Variants in CEP97 observed in about 807,000 individuals in gnomAD.
CEP97 encodes the protein centrosomal protein 97.
In CEP97, 43 loss-of-function variants were observed where a neutral mutation model predicts 73.1. The ratio of observed to expected loss-of-function variants is 0.59; its 90% CI spans 0.46 to 0.76. The LOEUF (loss-of-function observed/expected upper bound fraction) is 0.76, where lower values mean the gene tolerates loss of function less well. CEP97 is among the 30% of genes least tolerant of loss of function. The probability of loss-of-function intolerance (pLI) is 0.00; values close to 1 mark genes in which losing one functional copy is unlikely to be tolerated. For missense variants in CEP97, 939 were observed against 1,014.0 expected (o/e 0.93, Z 1.00); for synonymous variants, 337 against 370.0 (o/e 0.91, Z 1.02).
rs1307620588 is a variant in CEP97 at position 101,766,753 on chromosome 3, G to A, written c.*1202G>A. ...AATATCGTTTAACAACATGTATTTG[G>A]TTTCCCTCAACTTACAGACATACAG... On this transcript the variant is annotated 3_prime_UTR_variant, in exon 11 of 11. Coordinates refer to ENST00000341893, the MANE Select transcript of CEP97 (RefSeq NM_024548.4). 6.6e-6 allele frequency: 1 copy of A among 152,078 alleles called. No homozygotes were observed. Among genetic ancestry groups the A allele is most frequent in the Non-Finnish European group, 1.5e-5 (1 of 68,012 alleles). The allele number at this position is 152,078 out of a possible 1,614,324, so 9.4% of individuals were successfully genotyped here.
At chr3:101,758,478 C>G (rs2107186347) in intron 9 of CEP97, 55 bp downstream of exon 9, 1 of 1,585,388 alleles carries the variant, frequency 6.3e-7, no homozygotes, top group Non-Finnish European at 8.6e-7. Context: ...GTGTTAGATT[C>G]TTATAGTTGA....
chr3:101,728,668 A>T lies in CEP97; in HGVS notation c.346-168A>T. Reference sequence around the variant, plus strand: ...TGAAAGTGTACGTTTACAACCTGACAATCTACTAAATTCTGTTAGTACTGC... The same window carrying T: ...TGAAAGTGTACGTTTACAACCTGACTATCTACTAAATTCTGTTAGTACTGC... On this transcript the variant is annotated intron_variant, in intron 3 of 10. Coordinates refer to ENST00000341893, the MANE Select transcript of CEP97 (RefSeq NM_024548.4). The T allele has an allele frequency of 8.4e-6, 5 of 594,296 alleles. No homozygotes were observed. In the South Asian group the frequency reaches 1.1e-4, roughly 13 times the overall value. 36.8% of individuals were successfully genotyped at this position (594,296 alleles called of 1,614,324 possible). A position where few individuals can be genotyped will look rare whatever the true frequency, so the allele number is the denominator to read the frequency against.
At chr3:101,758,657 A>G (rs1012323170) in intron 9 of CEP97, 1 of 513,334 alleles carries the variant, frequency 1.9e-6, no homozygotes, top group Non-Finnish European at 3.5e-6. Flanking sequence ...GCAGTGTAGT[A>G]ATAAATGTTC....
intron 3 of CEP97, among the ~76,000 whole-genome samples, chr3:101,728,212 A>T (rs1937962315): frequency 6.7e-6 from 1 of 149,872 alleles, no homozygotes. Flanking sequence ...AAACTTGTAA[A>T]CTCTATTCTA....
rs1044256256 is a variant in CEP97 at position 101,754,584 on chromosome 3, G to A, written c.729-846G>A. Among the ~76,000 whole-genome samples, 4 of 152,190 alleles carry A rather than the reference G, an allele frequency of 2.6e-5. No homozygotes were observed. In the South Asian group the frequency reaches 6.2e-4, roughly 24 times the overall value. On this transcript the variant is annotated intron_variant, in intron 6 of 10. Transcript: ENST00000341893. ...GAGCAGTTCTTTCTTGGGGCCTCCT[G>A]GGCTTGCACTCAGATCACAGATGGG...
At chr3:101,752,494 C>T (rs1230193920) in intron 6 of CEP97, among the ~76,000 whole-genome samples, 1 of 152,146 alleles carries the variant, frequency 6.6e-6, no homozygotes, top group Non-Finnish European at 1.5e-5. Flanking sequence ...GAGTGTTTTC[C>T]AACTTGGTTC....
At position 101,756,934 on chromosome 3, in the gene CEP97, G is replaced by A. The variant is rs1187500195; in HGVS notation, c.894-129G>A. On this transcript the variant is annotated intron_variant, in intron 7 of 10. Transcript: ENST00000341893. Reference sequence around the variant, plus strand: ...GCTTTCAAATGAGGATTTATAATTTGGCATTAATTAAAAGTACCTACTTTG... The same window carrying A: ...GCTTTCAAATGAGGATTTATAATTTAGCATTAATTAAAAGTACCTACTTTG... 7 of 752,996 alleles carry A rather than the reference G, an allele frequency of 9.3e-6. No individual in the cohort carries two copies. In the Admixed American group the frequency reaches 9.4e-5, roughly 10 times the overall value. The allele number at this position is 752,996 out of a possible 1,614,324, so 46.6% of individuals were successfully genotyped here.
At position 101,757,903 on chromosome 3, in the gene CEP97, G is replaced by A. The variant is rs750409503; in HGVS notation, c.1297G>A (p.Asp433Asn). 6.2e-7 allele frequency: 1 copy of A among 1,614,256 alleles called. No homozygotes were observed. Among genetic ancestry groups the A allele is most frequent in the Admixed American group, 1.7e-5 (1 of 60,032 alleles). The change falls in exon 9 of 11, where the codon GAT becomes AAT. Residue 433 changes from aspartate to asparagine, a missense_variant. Transcript: ENST00000341893. ...GGGCATTAACTTGGGCCTAGAAGAT[G>A]ATGGTGTTGCAGATGAATCTGTGAA... ...LQGINLGLED[D>N]GVADESVKGL...
At position 101,728,907 on chromosome 3, in the gene CEP97, A is replaced by G. The variant is rs1319387149; in HGVS notation, c.417A>G (p.Ile139Met). 6.3e-7 allele frequency: 1 copy of G among 1,590,550 alleles called. No homozygotes were observed. The stretch of plus-strand genomic sequence containing the variant: ...TATCAGACAATAATATATCCCAGAT[A>G]GGTGATCTATCTAAATTGGTATCCC... ...LDLSDNNISQ[I>M]GDLSKLVSLK... The change falls in exon 4 of 11, where the codon ATA becomes ATG. Residue 139 changes from isoleucine (I) to methionine (M), a missense_variant. Transcript: ENST00000341893.
In CEP97 at chr3:101,757,617, T is replaced by C; in HGVS notation, c.1028-17T>C. 6.3e-7 allele frequency: 1 copy of C among 1,598,366 alleles called. No individual in the cohort carries two copies. Among genetic ancestry groups the C allele is most frequent in the Non-Finnish European group, 8.6e-7 (1 of 1,169,432 alleles). ...AAACATTTAGTGGTTTAAATGATAC[T>C]CTGTTGATTCTTCTAGAACCCGTCA... On this transcript the variant is annotated splice_polypyrimidine_tract_variant and intron_variant, in intron 8 of 10. Transcript: ENST00000341893.
chr3:101,725,352 C>G (rs1334481450), intron 1 of CEP97, among the ~76,000 whole-genome samples: 2 of 152,104 alleles, frequency 1.3e-5, no homozygotes, highest in Non-Finnish European at 1.5e-5. Flanking sequence ...GGGCGCCGGA[C>G]GCGAGCTGCT....
At chr3:101,755,362 T>G (rs1023668612) in intron 6 of CEP97, 68 bp from the exon 7 acceptor site, 4 of 1,347,208 alleles carry the variant, frequency 3.0e-6, no homozygotes, top group Admixed American at 3.5e-5. Context: ...AGGAAGATCA[T>G]TGTTGCCTGA....
At chr3:101,755,695 C>T in intron 7 of CEP97, 101 bp downstream of exon 7, 5 of 1,121,012 alleles carry the variant, frequency 4.5e-6, no homozygotes, top group Non-Finnish European at 6.5e-6. Context: ...CTGCGGCCCA[C>T]ATTTCTGGAC....
intron 6 of CEP97, among the ~76,000 whole-genome samples, chr3:101,743,383 T>C (rs971333800): frequency 2.0e-5 from 3 of 151,946 alleles, no homozygotes; most frequent in African/African-American, 7.3e-5. Flanking sequence ...TCAACCAGTT[T>C]CTCCTAGAAA....
At chr3:101,757,237 G>C (rs769549839) in intron 8 of CEP97, 41 bp downstream of exon 8, 3 of 1,568,164 alleles carry the variant, frequency 1.9e-6, no homozygotes, top group Non-Finnish European at 2.6e-6. Flanking sequence ...TCTCCAAGTT[G>C]TTTAATTTGT....
intron 1 of CEP97, among the ~76,000 whole-genome samples, chr3:101,725,931 G>T (rs894016474): frequency 4.6e-5 from 7 of 151,134 alleles, no homozygotes; most frequent in Non-Finnish European, 1.0e-4. Flanking sequence ...TATAAGGCAG[G>T]TATTATCCCC....
Position 101,758,246 on chromosome 3 carries a change from C to T in CEP97, c.1640C>T (p.Ala547Val). ...LPMILTQRSVALGQDKVALQK... is the reference protein window; with the variant it reads ...LPMILTQRSVVLGQDKVALQK... ...ATGATTTTAACCCAGAGATCTGTTG[C>T]TTTGGGACAAGACAAAGTTGCCCTT... The change falls in exon 9 of 11, where the codon GCT becomes GTT. Residue 547 changes from alanine (A) to valine (V), a missense_variant. Transcript: ENST00000341893. The T allele has an allele frequency of 6.2e-7, 1 of 1,614,228 alleles. No homozygotes were observed. The highest frequency in any genetic ancestry group is 8.5e-7 in the Non-Finnish European group (1 of 1,180,040).
Position 101,726,739 on chromosome 3 carries a change from A to G in CEP97, c.186+3A>G, listed in dbSNP as rs759026391. On this transcript the variant is annotated splice_donor_region_variant and intron_variant, in intron 2 of 10. Coordinates refer to ENST00000341893, the MANE Select transcript of CEP97 (RefSeq NM_024548.4). ...AGAAATGCAAACGATTAATACAGGT[A>G]GGTATTGCAATCTGGGAAATGGTTA... 3 of 1,579,372 alleles carry G rather than the reference A, an allele frequency of 1.9e-6. No homozygotes were observed. Among genetic ancestry groups the G allele is most frequent in the South Asian group, 1.2e-5 (1 of 86,932 alleles).
chr3:101,756,065 CTTT>C (rs879428955), intron 7 of CEP97, among the ~76,000 whole-genome samples: 1 of 144,744 alleles, frequency 6.9e-6, no homozygotes, highest in Non-Finnish European at 1.5e-5. Context: ...TATATTTGTT[CTTT>C]TTTTTTTTTT....
Sources: gnomAD v4.1 joint callset for allele counts (sites outside exome capture counted in the v4.1 genomes callset) on GRCh38, gnomAD v4.1.1 for gene constraint, MANE v1.5 for transcripts, NCBI Gene and HGNC (gene_info 2026-07-23, HGNC 2026-07-21) for gene names.